Variants in ABLIM1 observed in about 807,000 individuals in gnomAD.
The protein encoded by ABLIM1 is actin binding LIM protein 1, also known as actin-binding LIM protein 1.
A neutral mutation model predicts 107.0 loss-of-function variants in ABLIM1; 40 were observed. The ratio of observed to expected loss-of-function variants is 0.37; its 90% confidence interval spans 0.29 to 0.49. ABLIM1 has a LOEUF of 0.49. Ranked by LOEUF, ABLIM1 falls within the 20% of genes least tolerant of loss-of-function variation. The pLI, the probability that ABLIM1 is intolerant of heterozygous loss-of-function variation, is 0.97. For synonymous variants in ABLIM1, 357 were observed against 357.3 expected, an observed-to-expected ratio of 1.00 and a Z score of 0.01; for missense variants, 857 against 1,008.5, an observed-to-expected ratio of 0.85 and a Z score of 2.04.
chr10:114,629,929 G>A lies in ABLIM1; in HGVS notation c.245-27968C>T, dbSNP rs1055284659. Among the ~76,000 whole-genome samples, 3 of 152,162 alleles carry A rather than the reference G, an allele frequency of 2.0e-5. No individual in the cohort carries two copies. The highest frequency in any genetic ancestry group is 2.0e-4 in the Admixed American group (3 of 15,262). Reference sequence around the variant, plus strand: ...AGGTCAGTGCAATCAGAAAGCAGTGGTGTGGACTGGCACAGACCTCAAAAT... The same window carrying A: ...AGGTCAGTGCAATCAGAAAGCAGTGATGTGGACTGGCACAGACCTCAAAAT... On this transcript the variant is annotated intron_variant, in intron 1 of 22. Transcript: ENST00000533213. The surrounding 1 kb of genome is among the most constrained non-coding windows in gnomAD (Gnocchi z 4.0).
intron 5 of ABLIM1, among the ~76,000 whole-genome samples, chr10:114,546,738 G>T (rs908125337): frequency 5.9e-5 from 9 of 152,136 alleles, no homozygotes; most frequent in Non-Finnish European, 1.3e-4. Flanking sequence ...TTTCGAATAG[G>T]TGATTTCATG....
At chr10:114,783,373 GT>G in the ABLIM1 span, among the ~76,000 whole-genome samples, 1 of 152,092 alleles carries the variant, frequency 6.6e-6, no homozygotes, top group Non-Finnish European at 1.5e-5. Context: ...TTGTCAGTGA[GT>G]TTGAGATGTC....
At chr10:114,726,899 A>T (rs113035810) in intron 1 of ABLIM1, among the ~76,000 whole-genome samples, 1 of 152,316 alleles carries the variant, frequency 6.6e-6, no homozygotes, top group Admixed American at 6.5e-5. Flanking sequence ...TGGGGGCTAC[A>T]TTTCAACCTG....
intron 1 of ABLIM1, among the ~76,000 whole-genome samples, chr10:114,680,765 C>T (rs1177426328): frequency 6.6e-6 from 1 of 152,212 alleles, no homozygotes; most frequent in East Asian, 1.9e-4. Context: ...TTGCTCAGGT[C>T]ATTACATAAT....
In ABLIM1 at chr10:114,602,673, C is replaced by G. The variant is rs181785587; in HGVS notation, c.245-712G>C. Among the ~76,000 whole-genome samples, 208 of 152,280 alleles carry G rather than the reference C, an allele frequency of 1.4e-3. 3 individuals are homozygous for G. The highest frequency in any genetic ancestry group is 2.2e-3 in the Non-Finnish European group (151 of 68,034). On this transcript the variant is annotated intron_variant, in intron 1 of 22. Coordinates refer to ENST00000533213, the MANE Select transcript of ABLIM1 (RefSeq NM_002313.7). ...TAGGAACAACATGGATCTCTCTGAA[C>G]CTCAGTTTCCTTTCCCATAAAACAA...
chr10:114,496,154 G>T (rs1010950558), intron 6 of ABLIM1, among the ~76,000 whole-genome samples: 4 of 152,144 alleles, frequency 2.6e-5, no homozygotes, highest in African/African-American at 9.7e-5. Flanking sequence ...GAGTCACTGT[G>T]TTCTATTAAC....
In ABLIM1 at chr10:114,485,368, G is replaced by A. The variant is rs117235791; in HGVS notation, c.1041+2590C>T. 473 of 1,612,152 alleles carry A rather than the reference G, an allele frequency of 2.9e-4. 4 individuals carry two copies. The East Asian group carries it at 9.4e-3, about 32-fold the overall frequency. ...TAAAAGAAATCGGATGAAGAACGCC[G>A]AATGTTTGGCAGCTGCCATGAAACA... On this transcript the variant is annotated intron_variant, in intron 8 of 22. Coordinates refer to ENST00000533213, the MANE Select transcript of ABLIM1 (RefSeq NM_002313.7).
At chr10:114,782,412 C>G in the ABLIM1 span, among the ~76,000 whole-genome samples, 1 of 151,956 alleles carries the variant, frequency 6.6e-6, no homozygotes, top group African/African-American at 2.4e-5. Flanking sequence ...ACAGAAAGAG[C>G]AAGGAAAAGA....
At chr10:114,683,537 A>T (rs1319109443) in intron 1 of ABLIM1, among the ~76,000 whole-genome samples, 1 of 152,126 alleles carries the variant, frequency 6.6e-6, no homozygotes, top group African/African-American at 2.4e-5. Context: ...GGCAAACCCA[A>T]GCTCACCGGA....
chr10:114,575,657 C>G, intron 2 of ABLIM1, 58 bp from the exon 3 acceptor site: 2 of 1,546,300 alleles, frequency 1.3e-6, no homozygotes, highest in Non-Finnish European at 1.8e-6. Context: ...GGCAGCACTG[C>G]CTTTGAGTGA....
chr10:114,476,210 C>A (rs1046558127), intron 8 of ABLIM1, among the ~76,000 whole-genome samples: 1 of 152,224 alleles, frequency 6.6e-6, no homozygotes, highest in Non-Finnish European at 1.5e-5. Context: ...AGGTGCATCA[C>A]TTCTGGGCCT....
intron 4 of ABLIM1, among the ~76,000 whole-genome samples, chr10:114,567,323 T>C (rs2070900670): frequency 6.6e-6 from 1 of 152,196 alleles, no homozygotes; most frequent in African/African-American, 2.4e-5. Flanking sequence ...CTATGGAACA[T>C]TGGGCAAATT....
At chr10:114,485,508 T>A in intron 8 of ABLIM1, 1 of 798,702 alleles carries the variant, frequency 1.3e-6, no homozygotes, top group South Asian at 2.1e-5. Context: ...AAACATCAAG[T>A]GGGATTCTTT....
chr10:114,717,607 G>A (rs2081700569), intron 1 of ABLIM1, among the ~76,000 whole-genome samples: 1 of 152,072 alleles, frequency 6.6e-6, no homozygotes, highest in South Asian at 2.1e-4. Flanking sequence ...GTAAATAGGT[G>A]AAAGTACTCA....
At chr10:114,694,477 C>A (rs1269652108) in intron 1 of ABLIM1, among the ~76,000 whole-genome samples, 1 of 152,140 alleles carries the variant, frequency 6.6e-6, no homozygotes, top group African/African-American at 2.4e-5. Context: ...AAAAGGGCTC[C>A]TTTAAATAAA....
At chr10:114,445,796 G>T (rs111284379) in intron 15 of ABLIM1, among the ~76,000 whole-genome samples, 28 of 152,236 alleles carry the variant, frequency 1.8e-4, no homozygotes, top group African/African-American at 6.3e-4. Flanking sequence ...TTTGAGACAA[G>T]GTTTCACTCT....
chr10:114,556,440 C>T (rs977979307), intron 4 of ABLIM1, among the ~76,000 whole-genome samples: 1 of 152,206 alleles, frequency 6.6e-6, no homozygotes, highest in African/African-American at 2.4e-5. Flanking sequence ...GTTTCCATCC[C>T]TCCATAAGTG....
intron 4 of ABLIM1, among the ~76,000 whole-genome samples, chr10:114,553,487 T>C (rs987802045): frequency 3.9e-5 from 6 of 152,212 alleles, no homozygotes; most frequent in African/African-American, 1.4e-4. Flanking sequence ...CTGATGACTA[T>C]CAACCCTATG....
the ABLIM1 span, among the ~76,000 whole-genome samples, chr10:114,785,534 T>A: frequency 2.6e-5 from 4 of 152,158 alleles, no homozygotes; most frequent in Non-Finnish European, 5.9e-5. Flanking sequence ...GCATTCTTAG[T>A]ATAATGGGTA....
Sources: allele counts gnomAD v4.1 joint callset (sites outside exome capture counted in the v4.1 genomes callset), GRCh38; gene constraint gnomAD v4.1.1; non-coding constraint Gnocchi (gnomAD v3.1); transcripts MANE v1.5; gene names NCBI Gene and HGNC (gene_info 2026-07-23, HGNC 2026-07-21).